TANC1: variants seen among roughly 807,000 people sequenced by gnomAD.
TANC1 encodes protein TANC1.
A neutral mutation model predicts 149.7 loss-of-function variants in TANC1; 77 were observed. That is an observed-to-expected ratio of 0.51 (90% CI 0.43 to 0.62). The LOEUF is 0.62. TANC1 is among the 20% of genes least tolerant of loss of function. TANC1 has a pLI of 0.00. For missense variants in TANC1, 1,985 were observed against 2,321.8 expected, an observed-to-expected ratio of 0.85 and a Z score of 2.98; for synonymous variants, 854 against 925.0, an observed-to-expected ratio of 0.92 and a Z score of 1.39.
intron 2 of TANC1, chr2:159,056,846 T>C (rs78909034): frequency 0.082 from 27,612 of 335,358 alleles, 1,276 homozygotes; most frequent in Middle Eastern, 0.1. Context: ...CATCCAGCCA[T>C]TGGCTTCAAT....
At chr2:159,183,220 C>T (rs751206352) in intron 14 of TANC1, among the ~76,000 whole-genome samples, 1 of 152,174 alleles carries the variant, frequency 6.6e-6, no homozygotes, top group African/African-American at 2.4e-5. Context: ...TGTGGCATTG[C>T]TCTTGGGAAG....
At chr2:159,000,295 C>T (rs371137508) in intron 1 of TANC1, among the ~76,000 whole-genome samples, 79 of 151,976 alleles carry the variant, frequency 5.2e-4, no homozygotes, top group African/African-American at 1.7e-3. Flanking sequence ...AGTGGGTAGG[C>T]GAGGCACCAG....
chr2:159,211,105 A>G (rs1472541134), intron 19 of TANC1, among the ~76,000 whole-genome samples: 1 of 152,094 alleles, frequency 6.6e-6, no homozygotes, highest in South Asian at 2.1e-4. Flanking sequence ...TCCTGACCTC[A>G]GGTGACTTGC....
intron 4 of TANC1, among the ~76,000 whole-genome samples, chr2:159,131,400 T>C (rs1456781912): frequency 1.3e-5 from 2 of 152,046 alleles, no homozygotes; most frequent in Non-Finnish European, 2.9e-5. Flanking sequence ...TCACTTTTCC[T>C]TCAGTAGTTT....
rs2357047 is a variant in TANC1, at chr2:159,194,663, T to G, written c.2979+170T>G. On this transcript the variant is annotated intron_variant, in intron 17 of 26. Transcript: ENST00000263635. ...TGTAATGTGGCAGCCTCAGAGAGGT[T>G]TGTTTTGCTCATACACAGCAACTCT... Among the ~76,000 whole-genome samples the G allele has an allele frequency of 0.048, 7,325 of 152,310 alleles. 291 individuals carry two copies. The highest frequency in any genetic ancestry group is 0.11 in the African/African-American group (4,407 of 41,548).
At chr2:159,004,822 A>G (rs1265310556) in intron 2 of TANC1, among the ~76,000 whole-genome samples, 1 of 152,166 alleles carries the variant, frequency 6.6e-6, no homozygotes, top group Non-Finnish European at 1.5e-5. Context: ...ACAGACAGAC[A>G]CACACACAAA....
At chr2:159,149,873 A>T (rs1395800821) in intron 6 of TANC1, 1 of 168,196 alleles carries the variant, frequency 5.9e-6, no homozygotes, top group East Asian at 1.7e-4. Context: ...GGTGTCATGC[A>T]TTGATTGAGA....
intron 4 of TANC1, among the ~76,000 whole-genome samples, chr2:159,124,926 A>G (rs767728952): frequency 2.9e-5 from 4 of 138,140 alleles, no homozygotes; most frequent in African/African-American, 1.1e-4. Flanking sequence ...ATTTTTTTGT[A>G]GAGATGGAGT....
At chr2:159,026,774 G>C (rs1029175812) in intron 2 of TANC1, among the ~76,000 whole-genome samples, 1 of 152,044 alleles carries the variant, frequency 6.6e-6, no homozygotes, top group Non-Finnish European at 1.5e-5. Flanking sequence ...TGCTGCACTG[G>C]GATGCAGAAA....
intron 2 of TANC1, among the ~76,000 whole-genome samples, chr2:159,034,632 A>G (rs1440042920): frequency 1.3e-5 from 2 of 152,180 alleles, no homozygotes; most frequent in African/African-American, 4.8e-5. Flanking sequence ...AAGCTGAAAG[A>G]TTTGGGATGG....
intron 2 of TANC1, among the ~76,000 whole-genome samples, chr2:159,059,730 T>C (rs1180983075): frequency 6.6e-6 from 1 of 151,852 alleles, no homozygotes. Flanking sequence ...GTGAGAGAAA[T>C]CTTGGAATGT....
At chr2:159,136,833 GAC>G (rs1285596361) in intron 5 of TANC1, among the ~76,000 whole-genome samples, 2 of 139,926 alleles carry the variant, frequency 1.4e-5, no homozygotes, top group Non-Finnish European at 3.1e-5. Context: ...TATTTTTAAA[GAC>G]ATTTTATATG....
Position 159,219,376 on chromosome 2 carries a change from C to CT in TANC1, c.3502+15_3502+16insT, listed in dbSNP as rs1255583141. On this transcript the variant is annotated intron_variant, in intron 21 of 26. Transcript: ENST00000263635. The stretch of plus-strand genomic sequence containing the variant: ...CCTTTCAAAAGGTAGCAGCGTGATG[C>CT]CCTCAAAGGTTTCTTTTGGACGGAC... 1.3e-5 allele frequency: 20 copies of CT among 1,520,754 alleles called. No homozygotes were observed. The highest frequency in any genetic ancestry group is 1.7e-5 in the Non-Finnish European group (19 of 1,125,858). 94.2% of individuals were successfully genotyped at this position (1,520,754 alleles called of 1,614,324 possible).
chr2:159,112,228 T>G, intron 4 of TANC1, among the ~76,000 whole-genome samples: 1 of 152,222 alleles, frequency 6.6e-6, no homozygotes, highest in South Asian at 2.1e-4. Context: ...TTTTTGGGTT[T>G]TTTTGTTGGT....
chr2:159,152,463 ATTTTTTTTTT>A (rs55894080), intron 7 of TANC1, among the ~76,000 whole-genome samples: 12 of 118,138 alleles, frequency 1.0e-4, no homozygotes, highest in Non-Finnish European at 3.5e-5. Flanking sequence ...TTATAACCAA[ATTTTTTTTTT>A]TTTTTTTTTT....
intron 2 of TANC1, among the ~76,000 whole-genome samples, chr2:159,015,507 C>A (rs746938559): frequency 5.3e-5 from 8 of 152,180 alleles, no homozygotes; most frequent in Non-Finnish European, 8.8e-5. Context: ...AACATTGGCT[C>A]TTCATTACTT....
intron 5 of TANC1, among the ~76,000 whole-genome samples, chr2:159,142,030 G>A (rs1028069578): frequency 1.3e-5 from 2 of 152,228 alleles, no homozygotes; most frequent in African/African-American, 4.8e-5. Flanking sequence ...GACTTGTGAA[G>A]GTCTGTGACT....
intron 3 of TANC1, among the ~76,000 whole-genome samples, chr2:159,082,070 C>T (rs2044328528): frequency 6.6e-6 from 1 of 152,254 alleles, no homozygotes; most frequent in African/African-American, 2.4e-5. Context: ...CCCTGCTCTG[C>T]CCCATCTGGG....
intron 2 of TANC1, among the ~76,000 whole-genome samples, chr2:159,013,056 C>G (rs1202082274): frequency 1.3e-5 from 2 of 152,154 alleles, no homozygotes; most frequent in Non-Finnish European, 1.5e-5. Flanking sequence ...ACAAATGACT[C>G]TCTTCCAAGA....
Sources: gnomAD v4.1 joint callset for allele counts (sites outside exome capture counted in the v4.1 genomes callset) on GRCh38, gnomAD v4.1.1 for gene constraint, MANE v1.5 for transcripts, NCBI Gene and HGNC (gene_info 2026-07-23, HGNC 2026-07-21) for gene names.